SLC23A1: variants seen among roughly 807,000 people sequenced by gnomAD.
SLC23A1 encodes solute carrier family 23 member 1.
A neutral mutation model predicts 62.5 loss-of-function variants in SLC23A1; 31 were observed. The observed-to-expected ratio is 0.50, with a 90% CI of 0.37 to 0.67. The LOEUF (loss-of-function observed/expected upper bound fraction) is 0.67, where lower values mean the gene tolerates loss of function less well. Ranked by LOEUF, SLC23A1 falls within the 30% of genes least tolerant of loss-of-function variation. The pLI is 0.00. For synonymous variants in SLC23A1, 271 were observed against 313.2 expected (o/e 0.87, Z 1.42); for missense variants, 640 against 782.7 (o/e 0.82, Z 2.18).
chr5:139,381,956 G>A lies in SLC23A1; in HGVS notation c.244C>T (p.Leu82Phe). The A allele has an allele frequency of 1.3e-6, 2 of 1,592,874 alleles. No individual in the cohort carries two copies. Among genetic ancestry groups the A allele is most frequent in the East Asian group, 2.3e-5 (1 of 43,824 alleles). ...VGHDQHMVSQ[L>F]IGTIFTCVGI... Reference sequence around the variant, plus strand: ...ACGCACGTGAAGATGGTGCCGATGAGCTGACTAACCATGTGCTGGTCGTGG... The same window carrying A: ...ACGCACGTGAAGATGGTGCCGATGAACTGACTAACCATGTGCTGGTCGTGG... The change falls in exon 3 of 15, where the codon CTC becomes TTC. Residue 82 changes from leucine (L) to phenylalanine (F), a missense_variant. Physicochemically the swap from Leu to Phe is conservative, Grantham distance 22. Coordinates refer to ENST00000348729, the MANE Select transcript of SLC23A1 (RefSeq NM_005847.5).
At chr5:139,374,006 C>G (rs1757819868) in intron 13 of SLC23A1, among the ~76,000 whole-genome samples, 2 of 152,210 alleles carry the variant, frequency 1.3e-5, no homozygotes, top group South Asian at 4.1e-4. Context: ...CCTCCTTTTT[C>G]CTAGGCCTCA....
Position 139,379,510 on chromosome 5 carries a change from G to A in SLC23A1, c.926-156C>T, listed in dbSNP as rs1228230189. 3 of 1,016,864 alleles carry A rather than the reference G, an allele frequency of 3.0e-6. No individual in the cohort carries two copies. Among genetic ancestry groups the A allele is most frequent in the Admixed American group, 4.0e-5 (2 of 50,446 alleles). The allele number at this position is 1,016,864 out of a possible 1,614,324, so 63.0% of individuals were successfully genotyped here. Reference sequence around the variant, plus strand: ...TGGGAGCTTATTTGAGTCACTCAGAGCCAGGAAGTGGGACTGAAGCTTTGT... The same window carrying A: ...TGGGAGCTTATTTGAGTCACTCAGAACCAGGAAGTGGGACTGAAGCTTTGT... On this transcript the variant is annotated intron_variant, in intron 8 of 14. Transcript: ENST00000348729. This position sits in a 1 kb window ranked among gnomAD's most constrained non-coding sequence, Gnocchi z 4.7.
At position 139,381,945 on chromosome 5, in the gene SLC23A1, G is replaced by A. The variant is rs1342872682; in HGVS notation, c.255C>T (p.Thr85=). Residue 85 remains threonine (T), a synonymous_variant, in exon 3 of 15, where the codon ACC becomes ACT. Transcript: ENST00000348729. ...TGGTGATGCCCACGCACGTGAAGAT[G>A]GTGCCGATGAGCTGACTAACCATGT... ...DQHMVSQLIG[T]IFTCVGITTL... is the part of the protein sequence containing the mutation. 4 of 1,586,720 alleles carry A rather than the reference G, an allele frequency of 2.5e-6. No individual in the cohort carries two copies. In the South Asian group the frequency reaches 4.6e-5, roughly 18 times the overall value.
At position 139,380,528 on chromosome 5, in the gene SLC23A1, A is replaced by G. The variant is rs771876007; in HGVS notation, c.465+37T>C. 7 of 1,608,218 alleles carry G rather than the reference A, an allele frequency of 4.4e-6. No homozygotes were observed. The Admixed American group carries it at 1.2e-4, about 27-fold the overall frequency. On this transcript the variant is annotated intron_variant, in intron 5 of 14. Coordinates refer to ENST00000348729, the MANE Select transcript of SLC23A1 (RefSeq NM_005847.5). ...CCTCACTCCCATATAGCCCCTCCTC[A>G]GGACCCGGCCTCTTCTATGCTTACA...
chr5:139,382,742 A>C lies in SLC23A1; in HGVS notation c.37-137T>G, dbSNP rs1758340334. On this transcript the variant is annotated intron_variant, in intron 1 of 14. Coordinates refer to ENST00000348729, the MANE Select transcript of SLC23A1 (RefSeq NM_005847.5). ...GGGTTCCCGCCCTCCCCAACAGTCC[A>C]TCCACCCGGGTGCCACTTGGCCTGG... 28 of 626,060 alleles carry C rather than the reference A, an allele frequency of 4.5e-5. No homozygotes were observed. The South Asian group carries it at 5.1e-4, about 11-fold the overall frequency. The allele number at this position is 626,060 out of a possible 1,614,324, so 38.8% of individuals were successfully genotyped here. A position where few individuals can be genotyped will look rare whatever the true frequency, so the allele number is the denominator to read the frequency against.
At position 139,379,978 on chromosome 5, in the gene SLC23A1, ATGC is replaced by A; in HGVS notation, c.743_745del (p.Arg248_Ile249delinsLeu). The A allele has an allele frequency of 6.2e-7, 1 of 1,614,076 alleles. No individual in the cohort carries two copies. The highest frequency in any genetic ancestry group is 8.5e-7 in the Non-Finnish European group (1 of 1,180,006). ...CACAGGAAACATTTTGAAGATCTGG[ATGC>A]GGAGGAGAGTGAGGCCCTTGCCCCA... On this transcript the variant is annotated inframe_deletion, in exon 7 of 15. Coordinates refer to ENST00000348729, the MANE Select transcript of SLC23A1 (RefSeq NM_005847.5). This position sits in a 1 kb window ranked among gnomAD's most constrained non-coding sequence, Gnocchi z 4.7.
rs77882624 is a variant in SLC23A1, at chr5:139,375,197, C to A, written c.1549+2205G>T. ...GGTAAGTGACAAAATGGAGGCCCAT[C>A]ATCTTGCTACTACCATCCCTTATGT... On this transcript the variant is annotated intron_variant, in intron 13 of 14. Coordinates refer to ENST00000348729, the MANE Select transcript of SLC23A1 (RefSeq NM_005847.5). 3.8e-3 allele frequency among the ~76,000 whole-genome samples: 583 copies of A among 152,300 alleles called. 17 individuals are homozygous for A. The East Asian group carries it at 0.064, about 17-fold the overall frequency.
intron 14 of SLC23A1, among the ~76,000 whole-genome samples, chr5:139,368,356 AT>A (rs1757426625): frequency 6.6e-6 from 1 of 151,292 alleles, no homozygotes; most frequent in African/African-American, 2.4e-5. Context: ...AAAAAACTAA[AT>A]AAATAAATAA....
rs1315505112 is a variant in SLC23A1, at chr5:139,381,917, G to A, written c.283C>T (p.Leu95Phe). The A allele has an allele frequency of 3.8e-6, 6 of 1,569,936 alleles. No individual in the cohort carries two copies. The highest frequency in any genetic ancestry group is 3.5e-6 in the Non-Finnish European group (4 of 1,158,774). The change falls in exon 3 of 15, where the codon CTC becomes TTC. Residue 95 changes from leucine (L) to phenylalanine (F), a missense_variant. By Grantham distance (22) the Leu-to-Phe change is conservative. Coordinates refer to ENST00000348729, the MANE Select transcript of SLC23A1 (RefSeq NM_005847.5). ...TIFTCVGITT[L>F]IQTTVGIRLP... ...CGGATGCCCACGGTGGTCTGGATGA[G>A]AGTGGTGATGCCCACGCACGTGAAG...
chr5:139,369,689 T>C (rs1757533352), intron 14 of SLC23A1: 1 of 152,596 alleles, frequency 6.6e-6, no homozygotes, highest in Non-Finnish European at 1.5e-5. Context: ...TTCAAAAATA[T>C]TTAAAAAAAT....
At position 139,380,092 on chromosome 5, in the gene SLC23A1, C is replaced by CAATCAGG. The variant is rs770848684; in HGVS notation, c.648-23_648-17dup. 2.1e-5 allele frequency: 34 copies of CAATCAGG among 1,600,698 alleles called. No individual in the cohort carries two copies. Among genetic ancestry groups the CAATCAGG allele is most frequent in the Non-Finnish European group, 2.9e-5 (34 of 1,173,408 alleles). ...GAGAATGGAGCTGGGGGCAGAGGCA[C>CAATCAGG]AATCAGGAAGTGGATGGGAGGCCAG... On this transcript the variant is annotated splice_polypyrimidine_tract_variant and intron_variant, in intron 6 of 14. Transcript: ENST00000348729.
chr5:139,379,689 A>G lies in SLC23A1; in HGVS notation c.914T>C (p.Ile305Thr), dbSNP rs762075355. 6.2e-7 allele frequency: 1 copy of G among 1,612,650 alleles called. No individual in the cohort carries two copies. The change falls in exon 8 of 15, where the codon ATC becomes ACC. Residue 305 changes from isoleucine to threonine, a missense_variant. Transcript: ENST00000348729. The surrounding 1 kb of genome is among the most constrained non-coding windows in gnomAD (Gnocchi z 4.7). The part of the protein sequence containing the change: ...DIMAIAPWIR[I>T]PYPCQWGLPT... ...GGGGTGTTGCTCACAGGGGTAGGGGATGCGGATCCAGGGTGCAATAGCCAT... is the reference window on the plus strand; with the variant it reads ...GGGGTGTTGCTCACAGGGGTAGGGGGTGCGGATCCAGGGTGCAATAGCCAT...
In SLC23A1 at chr5:139,380,863, G is replaced by A; in HGVS notation, c.332C>T (p.Ala111Val). 6.6e-7 allele frequency: 1 copy of A among 1,511,704 alleles called. No individual in the cohort carries two copies. Among genetic ancestry groups the A allele is most frequent in the Non-Finnish European group, 8.9e-7 (1 of 1,120,032 alleles). The allele number at this position is 1,511,704 out of a possible 1,614,324, so 93.6% of individuals were successfully genotyped here. A position where few individuals can be genotyped will look rare whatever the true frequency, so the allele number is the denominator to read the frequency against. Residue 111 changes from alanine (A) to valine (V), a missense_variant, in exon 4 of 15, where the codon GCC (alanine) becomes GTC (valine). Coordinates refer to ENST00000348729, the MANE Select transcript of SLC23A1 (RefSeq NM_005847.5). The stretch of plus-strand genomic sequence containing the variant: ...TTTGGCTGGAACCAGAAATGCAAAG[G>A]CACTGGCCTGGAACAGCGGCAGCCT... ...GIRLPLFQAS[A>V]FAFLVPAKAI...
At chr5:139,384,629 A>T, upstream of SLC23A1, 1 of 1,234,780 alleles carries the variant, frequency 8.1e-7, no homozygotes, top group Non-Finnish European at 1.0e-6. Context: ...GTGGAGACCA[A>T]GCCCGACCCC....
intron 4 of SLC23A1, 66 bp from the exon 5 acceptor site, chr5:139,380,698 G>T: frequency 6.7e-7 from 1 of 1,483,556 alleles, no homozygotes; most frequent in Non-Finnish European, 9.4e-7. Flanking sequence ...AGAAGATGCT[G>T]CCATGGCTGC....
chr5:139,376,875 A>G (rs1757972550), intron 13 of SLC23A1, among the ~76,000 whole-genome samples: 1 of 152,208 alleles, frequency 6.6e-6, no homozygotes, highest in South Asian at 2.1e-4. Flanking sequence ...GTAATCCAGC[A>G]CTTTGGGAGG....
At position 139,379,327 on chromosome 5, in the gene SLC23A1, G is replaced by T. The variant is rs757734345; in HGVS notation, c.953C>A (p.Ala318Glu). The part of the protein sequence containing the change: ...PCQWGLPTVT[A>E]AAVLGMFSAT... ...GCTGAACATTCCCAGGACAGCAGCC[G>T]CAGTCACCGTGGGCAGGCCCCACTG... is the stretch of plus-strand genomic sequence containing the variant. Residue 318 changes from alanine to glutamate, a missense_variant, in exon 9 of 15, where the codon GCG (alanine) becomes GAG (glutamate). Coordinates refer to ENST00000348729, the MANE Select transcript of SLC23A1 (RefSeq NM_005847.5). This position sits in a 1 kb window ranked among gnomAD's most constrained non-coding sequence, Gnocchi z 4.7. 5.6e-6 allele frequency: 9 copies of T among 1,614,152 alleles called. No homozygotes were observed. Among genetic ancestry groups the T allele is most frequent in the Non-Finnish European group, 7.6e-6 (9 of 1,179,972 alleles).
At chr5:139,384,610 C>T (rs1465793468), upstream of SLC23A1, 3 of 1,258,920 alleles carry the variant, frequency 2.4e-6, no homozygotes, top group Non-Finnish European at 3.1e-6. Flanking sequence ...CAGAACTCCC[C>T]AGGGTGCTGT....
chr5:139,378,026 C>G lies in SLC23A1; in HGVS notation c.1402G>C (p.Gly468Arg). The change falls in exon 12 of 15, where the codon GGG (glycine) becomes CGG (arginine). Residue 468 changes from glycine (G) to arginine (R), a missense_variant. Gly to Arg is a moderately radical substitution (Grantham distance 125). Transcript: ENST00000348729. The surrounding 1 kb of genome is among the most constrained non-coding windows in gnomAD (Gnocchi z 4.5). ...TCCAGGTAATTGGGCAGCGTGAGCC[C>G]GAAGAACATGGAAAATCCCAGCACG... ...LFVLGFSMFF[G>R]LTLPNYLESN... The G allele has an allele frequency of 6.2e-7, 1 of 1,613,934 alleles. No individual in the cohort carries two copies. The highest frequency in any genetic ancestry group is 8.5e-7 in the Non-Finnish European group (1 of 1,179,926).
Sources: allele counts gnomAD v4.1 joint callset (sites outside exome capture counted in the v4.1 genomes callset), GRCh38; gene constraint gnomAD v4.1.1; non-coding constraint Gnocchi (gnomAD v3.1); transcripts MANE v1.5; gene names NCBI Gene and HGNC (gene_info 2026-07-23, HGNC 2026-07-21).